CTTNBP2: variants seen among roughly 807,000 people sequenced by gnomAD.
The protein encoded by CTTNBP2 is cortactin binding protein 2, also known as cortactin-binding protein 2.
A neutral mutation model predicts 156.9 loss-of-function variants in CTTNBP2; 108 were observed. That is an observed-to-expected ratio of 0.69 (90% CI 0.59 to 0.81). The LOEUF (loss-of-function observed/expected upper bound fraction) is 0.81. CTTNBP2 is among the 30% of genes least tolerant of loss of function. The pLI is 0.00. For synonymous variants in CTTNBP2, 767 were observed against 751.8 expected, an observed-to-expected ratio of 1.02 and a Z score of -0.33; for missense variants, 1,924 against 2,035.4, an observed-to-expected ratio of 0.95 and a Z score of 1.05.
At chr7:117,852,847 A>T (rs923989754) in intron 2 of CTTNBP2, among the ~76,000 whole-genome samples, 2 of 152,158 alleles carry the variant, frequency 1.3e-5, no homozygotes, top group Non-Finnish European at 2.9e-5. Flanking sequence ...ACAATCCATA[A>T]ATGACAACTT....
chr7:117,870,352 T>TA (rs1192628912), intron 1 of CTTNBP2, among the ~76,000 whole-genome samples: 1 of 152,198 alleles, frequency 6.6e-6, no homozygotes, highest in Non-Finnish European at 1.5e-5. Flanking sequence ...TAATTTAGTT[T>TA]AAAAAAACGC....
intron 2 of CTTNBP2, among the ~76,000 whole-genome samples, chr7:117,817,130 G>C (rs1800626571): frequency 6.6e-6 from 1 of 150,930 alleles, no homozygotes; most frequent in Admixed American, 6.6e-5. Flanking sequence ...GAGGTCAAGA[G>C]ATCCAGACCA....
chr7:117,711,563 C>A lies in CTTNBP2; in HGVS notation c.4966G>T (p.Glu1656Ter). 1 of 1,613,236 alleles carries A rather than the reference C, an allele frequency of 6.2e-7. No individual in the cohort carries two copies. The highest frequency in any genetic ancestry group is 8.5e-7 in the Non-Finnish European group (1 of 1,179,726). The stretch of plus-strand genomic sequence containing the variant: ...TATTTGTTAGGTTTTTCTAGGTGTT[C>A]ATTTTTGTGTAAGTTCCAATTCACT... ...KEVNWNLHKN[E>*]HLEKPNK Residue 1656 changes from glutamate to a stop codon, truncating the protein, a stop_gained, in exon 23 of 23, where the codon GAA becomes TAA. Transcript: ENST00000160373. LOFTEE classifies it high-confidence loss of function.
At chr7:117,786,934 GA>G (rs1798732669) in intron 4 of CTTNBP2, among the ~76,000 whole-genome samples, 1 of 151,970 alleles carries the variant, frequency 6.6e-6, no homozygotes, top group African/African-American at 2.4e-5. Context: ...AACTACAGAA[GA>G]TATATCAGTT....
chr7:117,719,732 A>G (rs1204503816), intron 20 of CTTNBP2, 96 bp from the exon 21 acceptor site: 4 of 996,458 alleles, frequency 4.0e-6, no homozygotes, highest in Non-Finnish European at 5.8e-6. Context: ...GGTGTGGGGT[A>G]GGGAAAATGT....
At chr7:117,770,753 G>A (rs1797756399) in intron 8 of CTTNBP2, among the ~76,000 whole-genome samples, 1 of 152,144 alleles carries the variant, frequency 6.6e-6, no homozygotes, top group Non-Finnish European at 1.5e-5. Flanking sequence ...GCAGGAGGAG[G>A]TAAAGAGGGA....
intron 3 of CTTNBP2, among the ~76,000 whole-genome samples, chr7:117,794,142 C>G (rs971378762): frequency 3.3e-5 from 5 of 152,182 alleles, no homozygotes; most frequent in Non-Finnish European, 7.4e-5. Flanking sequence ...CCACTGATAA[C>G]AATCAACTTC....
At position 117,861,223 on chromosome 7, in the gene CTTNBP2, T is replaced by C. The variant is rs1803719547; in HGVS notation, c.175A>G (p.Ile59Val). 4 of 1,612,434 alleles carry C rather than the reference T, an allele frequency of 2.5e-6. No homozygotes were observed. The highest frequency in any genetic ancestry group is 2.5e-6 in the Non-Finnish European group (3 of 1,178,864). Residue 59 changes from isoleucine (I) to valine (V), a missense_variant, in exon 2 of 23, where the codon ATC becomes GTC. Physicochemically the swap from Ile to Val is conservative, Grantham distance 29. Coordinates refer to ENST00000160373, the MANE Select transcript of CTTNBP2 (RefSeq NM_033427.3). ...GTCGTCCTTACCCGCAGGGCCTCGA[T>C]GACAAGGTCTCTGGCCTCCAGCTCC... ...EGELEARDLV[I>V]EALRARRKEV... is the part of the protein sequence containing the mutation.
chr7:117,830,740 G>A (rs758676225), intron 2 of CTTNBP2, among the ~76,000 whole-genome samples: 15 of 152,168 alleles, frequency 9.9e-5, no homozygotes, highest in Admixed American at 5.9e-4. Flanking sequence ...TAGAATGAAC[G>A]CCACCCTTCC....
intron 3 of CTTNBP2, among the ~76,000 whole-genome samples, chr7:117,807,134 C>T (rs1379167402): frequency 2.6e-5 from 4 of 152,136 alleles, no homozygotes; most frequent in African/African-American, 9.7e-5. Flanking sequence ...ATCTCAATCT[C>T]CAACTCCCCC....
At chr7:117,849,920 T>C (rs995956635) in intron 2 of CTTNBP2, among the ~76,000 whole-genome samples, 1 of 152,202 alleles carries the variant, frequency 6.6e-6, no homozygotes, top group East Asian at 1.9e-4. Flanking sequence ...GGTCCAAACT[T>C]TGGCTTGGCA....
At chr7:117,795,588 C>T (rs1288941685) in intron 3 of CTTNBP2, among the ~76,000 whole-genome samples, 1 of 152,192 alleles carries the variant, frequency 6.6e-6, no homozygotes, top group African/African-American at 2.4e-5. Context: ...CTACCTGTCT[C>T]AGGTTTTTCT....
Position 117,818,250 on chromosome 7 carries a change from T to C in CTTNBP2, c.190-7261A>G, listed in dbSNP as rs117839769. 1.6e-3 allele frequency among the ~76,000 whole-genome samples: 240 copies of C among 152,292 alleles called. 2 individuals are homozygous for C. In the East Asian group the frequency reaches 0.03, roughly 19 times the overall value. On this transcript the variant is annotated intron_variant, in intron 2 of 22. Transcript: ENST00000160373. ...CAACAATAAAAATGGTTTCCAGATA[T>C]GCTTTCACAAACCACTGGTTACCTA...
chr7:117,866,427 G>T (rs564608965), intron 1 of CTTNBP2, among the ~76,000 whole-genome samples: 19 of 152,302 alleles, frequency 1.2e-4, no homozygotes, highest in East Asian at 7.7e-4. Context: ...TATCAGGGCT[G>T]CTGGGGGATA....
chr7:117,713,338 T>A (rs1230925566), intron 22 of CTTNBP2, among the ~76,000 whole-genome samples: 1 of 152,238 alleles, frequency 6.6e-6, no homozygotes, highest in African/African-American at 2.4e-5. Context: ...ATTTATCTCC[T>A]GCATTTCCAC....
At chr7:117,715,507 G>T (rs905924289) in intron 22 of CTTNBP2, among the ~76,000 whole-genome samples, 3 of 143,730 alleles carry the variant, frequency 2.1e-5, no homozygotes, top group African/African-American at 8.4e-5. Context: ...GCCTCAAGTG[G>T]ATTTCATCAT....
chr7:117,830,154 G>C (rs1451133914), intron 2 of CTTNBP2, among the ~76,000 whole-genome samples: 3 of 152,100 alleles, frequency 2.0e-5, no homozygotes, highest in Non-Finnish European at 4.4e-5. Context: ...TTTAGTATTG[G>C]CAACAGTCTT....
At chr7:117,764,958 TAG>T (rs1286026439) in intron 9 of CTTNBP2, among the ~76,000 whole-genome samples, 1 of 152,076 alleles carries the variant, frequency 6.6e-6, no homozygotes, top group Non-Finnish European at 1.5e-5. Flanking sequence ...TTTTTTGAGA[TAG>T]AGTCTCACTC....
At chr7:117,755,090 G>A (rs571699538) in intron 12 of CTTNBP2, among the ~76,000 whole-genome samples, 9 of 152,146 alleles carry the variant, frequency 5.9e-5, no homozygotes, top group Non-Finnish European at 1.3e-4. Flanking sequence ...CTTCACTTAA[G>A]CCAAGTAATG....
Sources: allele counts gnomAD v4.1 joint callset (sites outside exome capture counted in the v4.1 genomes callset), GRCh38; gene constraint gnomAD v4.1.1; transcripts MANE v1.5; gene names NCBI Gene and HGNC (gene_info 2026-07-23, HGNC 2026-07-21).